MRAP2: variants seen among roughly 807,000 people sequenced by gnomAD.
The protein encoded by MRAP2 is melanocortin-2 receptor accessory protein 2.
In MRAP2, 20 loss-of-function variants were observed where a neutral mutation model predicts 17.4. The observed-to-expected ratio is 1.15, with a 90% CI of 0.81 to 1.67. The LOEUF is 1.67. Among genes scored for constraint, MRAP2 ranks in the 40% most tolerant of loss-of-function variants. The probability of loss-of-function intolerance (pLI) is 0.00; values close to 1 mark genes in which losing one functional copy is unlikely to be tolerated. For missense variants in MRAP2, 238 were observed against 240.0 expected, an observed-to-expected ratio of 0.99 and a Z score of 0.05; for synonymous variants, 96 against 88.4, an observed-to-expected ratio of 1.09 and a Z score of -0.48.
intron 1 of MRAP2, chr6:84,035,370 G>A (rs1218861976): frequency 1.0e-6 from 1 of 955,666 alleles, no homozygotes; most frequent in African/African-American, 1.8e-5. Context: ...ACCTAGGGAA[G>A]CATTTACAAA....
At chr6:84,064,634 C>CTG (rs1562881549) in intron 3 of MRAP2, among the ~76,000 whole-genome samples, 3 of 152,138 alleles carry the variant, frequency 2.0e-5, no homozygotes, top group Non-Finnish European at 4.4e-5. Flanking sequence ...ACTACAGGCA[C>CTG]CCACCACCAC....
chr6:84,145,623 A>G, the MRAP2 span, among the ~76,000 whole-genome samples: 1 of 152,044 alleles, frequency 6.6e-6, no homozygotes, highest in African/African-American at 2.4e-5. Context: ...TCTGTCTATA[A>G]TTCTCCAAAC....
the MRAP2 span, among the ~76,000 whole-genome samples, chr6:84,111,067 T>C: frequency 0.01 from 1,534 of 152,316 alleles, 20 homozygotes; most frequent in Middle Eastern, 0.02. Flanking sequence ...TTGCTGAGGA[T>C]TGTCTTGGCT....
the MRAP2 span, among the ~76,000 whole-genome samples, chr6:84,123,728 G>A: frequency 6.6e-6 from 1 of 151,966 alleles, no homozygotes; most frequent in African/African-American, 2.4e-5. Context: ...TAGATAAATG[G>A]AACTGAATTA....
chr6:84,063,131 C>G (rs915472514), intron 3 of MRAP2, 139 bp downstream of exon 3: 31 of 1,465,210 alleles, frequency 2.1e-5, no homozygotes, highest in Non-Finnish European at 2.7e-5. Flanking sequence ...GACCCAGATG[C>G]CCGTGGATGG....
intron 2 of MRAP2, among the ~76,000 whole-genome samples, chr6:84,058,810 C>A (rs1383836131): frequency 4.6e-5 from 7 of 152,164 alleles, no homozygotes; most frequent in African/African-American, 7.2e-5. Flanking sequence ...CAAAGACAGT[C>A]TGTGTCAAAT....
intron 2 of MRAP2, 94 bp downstream of exon 2, chr6:84,055,539 C>G: frequency 7.9e-7 from 1 of 1,272,814 alleles, no homozygotes; most frequent in Non-Finnish European, 1.1e-6. Flanking sequence ...ATTCTTTCTT[C>G]TTTACAGAAC....
rs2099501231 is a variant in MRAP2 at position 84,089,275 on chromosome 6, C to T, written c.412C>T (p.Leu138Phe). The T allele has an allele frequency of 6.2e-7, 1 of 1,614,188 alleles. No individual in the cohort carries two copies. ...RAKACHQTTA[L>F]DSDVQLQEAI... ...CAAAGCTTGTCACCAGACCACAGCC[C>T]TTGACAGTGACGTCCAACTCCAGGA... is the stretch of plus-strand genomic sequence containing the variant. The change falls in exon 4 of 4, where the codon CTT becomes TTT. Residue 138 changes from leucine (L) to phenylalanine (F), a missense_variant. Coordinates refer to ENST00000257776, the MANE Select transcript of MRAP2 (RefSeq NM_138409.4).
intron 3 of MRAP2, among the ~76,000 whole-genome samples, chr6:84,073,913 T>C (rs2099496907): frequency 6.7e-6 from 1 of 149,926 alleles, no homozygotes; most frequent in African/African-American, 2.5e-5. Context: ...TCTCATCAGC[T>C]ATCATTAGTG....
At chr6:84,145,298 G>A in the MRAP2 span, among the ~76,000 whole-genome samples, 1 of 152,034 alleles carries the variant, frequency 6.6e-6, no homozygotes, top group East Asian at 1.9e-4. Context: ...TTCTAGCCTG[G>A]AGATGCCAAT....
At chr6:84,125,544 T>C in the MRAP2 span, among the ~76,000 whole-genome samples, 14 of 152,212 alleles carry the variant, frequency 9.2e-5, 1 homozygote, top group African/African-American at 1.7e-4. Flanking sequence ...ATAATGAATG[T>C]TAAATGAGAT....
chr6:84,046,062 G>A (rs1000228542), intron 1 of MRAP2, among the ~76,000 whole-genome samples: 1 of 152,180 alleles, frequency 6.6e-6, no homozygotes, highest in Non-Finnish European at 1.5e-5. Flanking sequence ...GAACCGCCAT[G>A]GAAGTGTCTG....
At chr6:84,037,166 C>G (rs1485231939) in intron 1 of MRAP2, among the ~76,000 whole-genome samples, 1 of 148,606 alleles carries the variant, frequency 6.7e-6, no homozygotes, top group African/African-American at 2.6e-5. Context: ...GAGCTAGACA[C>G]AGAGTGTTGA....
chr6:84,062,988 C>T lies in MRAP2; in HGVS notation c.223C>T (p.Gln75Ter), dbSNP rs749582108. ...TLLTKTGAPH[Q>*]DNAESSEKRF... Reference sequence around the variant, plus strand: ...GCTGACCAAGACAGGAGCCCCACACCAAGAGTAAGTTTGGGCTGTTCCTAA... The same window carrying T: ...GCTGACCAAGACAGGAGCCCCACACTAAGAGTAAGTTTGGGCTGTTCCTAA... Residue 75 changes from glutamine to a stop codon, truncating the protein, a stop_gained, in exon 3 of 4, where the codon CAA becomes TAA. Coordinates refer to ENST00000257776, the MANE Select transcript of MRAP2 (RefSeq NM_138409.4). LOFTEE classifies it high-confidence loss of function. The T allele has an allele frequency of 6.2e-7, 1 of 1,614,062 alleles. No homozygotes were observed. Among genetic ancestry groups the T allele is most frequent in the South Asian group, 1.1e-5 (1 of 91,084 alleles).
the MRAP2 span, among the ~76,000 whole-genome samples, chr6:84,134,855 C>T: frequency 1.3e-5 from 2 of 151,776 alleles, no homozygotes; most frequent in Non-Finnish European, 2.9e-5. Flanking sequence ...TATAATGCCT[C>T]TATTTTGAAA....
chr6:84,089,042 G>T, intron 3 of MRAP2, 49 bp from the exon 4 acceptor site: 1 of 1,544,788 alleles, frequency 6.5e-7, no homozygotes. Context: ...GATTCTGCAG[G>T]TGAATGGGCT....
At chr6:84,048,542 G>A (rs2099489607) in intron 1 of MRAP2, among the ~76,000 whole-genome samples, 1 of 152,202 alleles carries the variant, frequency 6.6e-6, no homozygotes, top group South Asian at 2.1e-4. Context: ...AGAAAAGCAA[G>A]GTCTAGAAAA....
intron 3 of MRAP2, among the ~76,000 whole-genome samples, chr6:84,066,882 C>T (rs1458462127): frequency 2.0e-5 from 3 of 152,064 alleles, no homozygotes. Flanking sequence ...TAGCAAGCAA[C>T]CAGATTTGTT....
At chr6:84,104,516 T>G in the MRAP2 span, among the ~76,000 whole-genome samples, 1 of 152,190 alleles carries the variant, frequency 6.6e-6, no homozygotes, top group Non-Finnish European at 1.5e-5. Flanking sequence ...GTTTCCCTTT[T>G]AAAATTGAAT....
Sources: allele counts gnomAD v4.1 joint callset (sites outside exome capture counted in the v4.1 genomes callset), GRCh38; gene constraint gnomAD v4.1.1; transcripts MANE v1.5; gene names NCBI Gene and HGNC (gene_info 2026-07-23, HGNC 2026-07-21).